Variants in QSOX2 observed in about 807,000 individuals in gnomAD.
QSOX2 encodes the protein quiescin sulfhydryl oxidase 2.
QSOX2 carries 46 observed loss-of-function variants against 61.7 expected under a neutral mutation model. The ratio of observed to expected loss-of-function variants is 0.75; its 90% CI spans 0.59 to 0.95. The LOEUF (loss-of-function observed/expected upper bound fraction) is 0.95, where lower values mean the gene tolerates loss of function less well. Ranked by LOEUF, QSOX2 falls within the 40% of genes least tolerant of loss-of-function variation. QSOX2 has a pLI of 0.00. For synonymous variants in QSOX2, 383 were observed against 388.4 expected, an observed-to-expected ratio of 0.99 and a Z score of 0.16; for missense variants, 879 against 918.9, an observed-to-expected ratio of 0.96 and a Z score of 0.56.
intron 1 of QSOX2, among the ~76,000 whole-genome samples, chr9:136,228,286 T>G (rs1472211549): frequency 2.0e-5 from 3 of 152,194 alleles, no homozygotes; most frequent in Non-Finnish European, 2.9e-5. Flanking sequence ...CATGATGAGC[T>G]GGGACAATTC....
chr9:136,226,238 TAC>T (rs1383793822), intron 2 of QSOX2, among the ~76,000 whole-genome samples: 1 of 152,158 alleles, frequency 6.6e-6, no homozygotes. Context: ...CACCCGCAGG[TAC>T]ACACATGCTA....
At chr9:136,210,896 ATAC>A (rs1274296644) in intron 11 of QSOX2, 5 of 985,188 alleles carry the variant, frequency 5.1e-6, no homozygotes, top group Non-Finnish European at 6.0e-6. Flanking sequence ...ACAGATTTCC[ATAC>A]TACTAAAATT....
chr9:136,231,932 TCCTCCGCA>T (rs200203555), intron 1 of QSOX2, among the ~76,000 whole-genome samples: 1,684 of 52,584 alleles, frequency 0.032, 27 homozygotes, highest in African/African-American at 0.11. Context: ...CCTCTCCGCC[TCCTCCGCA>T]GGTCCCATCT....
At chr9:136,231,016 T>C (rs1421811120) in intron 1 of QSOX2, among the ~76,000 whole-genome samples, 1 of 152,226 alleles carries the variant, frequency 6.6e-6, no homozygotes, top group Non-Finnish European at 1.5e-5. Flanking sequence ...CCTAGTTTCA[T>C]TGGCAGGAAA....
At position 136,216,990 on chromosome 9, in the gene QSOX2, G is replaced by A. The variant is rs549734507; in HGVS notation, c.1087-268C>T. ...CCGTGCCTGCAGCTCACCCACCTGC[G>A]CCCACGGCCTCGCTCCGGCCAGGTG... On this transcript the variant is annotated intron_variant, in intron 8 of 11. Transcript: ENST00000358701. Among the ~76,000 whole-genome samples, 11 of 152,320 alleles carry A rather than the reference G, an allele frequency of 7.2e-5. No individual in the cohort carries two copies. In the South Asian group the frequency reaches 1.5e-3, roughly 20 times the overall value.
chr9:136,226,623 T>G (rs1830284450), intron 2 of QSOX2, 151 bp downstream of exon 2: 1 of 733,610 alleles, frequency 1.4e-6, no homozygotes, highest in Non-Finnish European at 2.5e-6. Context: ...CTCCTACAAT[T>G]CCTACGAAGT....
At chr9:136,236,787 C>A (rs1159703958) in intron 1 of QSOX2, among the ~76,000 whole-genome samples, 1 of 151,468 alleles carries the variant, frequency 6.6e-6, no homozygotes, top group Admixed American at 6.6e-5. Flanking sequence ...CCGTCCTGGG[C>A]CGGCGACACC....
At position 136,209,044 on chromosome 9, in the gene QSOX2, A is replaced by G. The variant is rs1426526630; in HGVS notation, c.1781T>C (p.Leu594Pro). The part of the protein sequence containing the change: ...LARGEEEEKR[L>P]TPPEVSHGDR... ...TCCATGGGACACCTCTGGGGGAGTG[A>G]GTCTTTTCTCCTCTTCCTCACCCCT... is the stretch of plus-strand genomic sequence containing the variant. Residue 594 changes from leucine (L) to proline (P), a missense_variant, in exon 12 of 12, where the codon CTC (leucine) becomes CCC (proline). Physicochemically the swap from Leu to Pro is moderately conservative, Grantham distance 98. Coordinates refer to ENST00000358701, the MANE Select transcript of QSOX2 (RefSeq NM_181701.4). This position sits in a 1 kb window ranked among gnomAD's most constrained non-coding sequence, Gnocchi z 5.6. The G allele has an allele frequency of 4.3e-6, 7 of 1,614,006 alleles. No individual in the cohort carries two copies. The South Asian group carries it at 5.5e-5, about 13-fold the overall frequency.
In QSOX2 at chr9:136,221,053, C is replaced by T. The variant is rs1389822653; in HGVS notation, c.821+743G>A. On this transcript the variant is annotated intron_variant, in intron 6 of 11. Transcript: ENST00000358701. The surrounding 1 kb of genome is among the most constrained non-coding windows in gnomAD (Gnocchi z 4.5). ...CCGAGGGGCACACAGGCACTCCACGCAGAGGCAAAGGGCTTATCCTCATGA... is the reference window on the plus strand; with the variant it reads ...CCGAGGGGCACACAGGCACTCCACGTAGAGGCAAAGGGCTTATCCTCATGA... Among the ~76,000 whole-genome samples, 5 of 152,198 alleles carry T rather than the reference C, an allele frequency of 3.3e-5. No individual in the cohort carries two copies. The highest frequency in any genetic ancestry group is 4.8e-5 in the African/African-American group (2 of 41,438).
intron 11 of QSOX2, chr9:136,210,236 A>G (rs1831829004): frequency 5.1e-6 from 5 of 985,330 alleles, no homozygotes; most frequent in Non-Finnish European, 6.0e-6. Flanking sequence ...GACCCCAGGC[A>G]CATCTCCGAG....
rs961768385 is a variant in QSOX2 at position 136,222,046 on chromosome 9, T to C, written c.676-105A>G. The stretch of plus-strand genomic sequence containing the variant: ...GCAGGGAACCTTTCACAAAAGGGCA[T>C]GAAGTCTGTCCCCCTGCAGGCAAGA... On this transcript the variant is annotated intron_variant, in intron 5 of 11. Coordinates refer to ENST00000358701, the MANE Select transcript of QSOX2 (RefSeq NM_181701.4). This position sits in a 1 kb window ranked among gnomAD's most constrained non-coding sequence, Gnocchi z 6.9. 2.4e-6 allele frequency: 3 copies of C among 1,227,294 alleles called. No homozygotes were observed. The highest frequency in any genetic ancestry group is 1.5e-5 in the African/African-American group (1 of 64,552). 76.0% of individuals were successfully genotyped at this position (1,227,294 alleles called of 1,614,324 possible).
At position 136,210,434 on chromosome 9, in the gene QSOX2, C is replaced by T. The variant is rs534811506; in HGVS notation, c.1549+830G>A. On this transcript the variant is annotated intron_variant, in intron 11 of 11. Coordinates refer to ENST00000358701, the MANE Select transcript of QSOX2 (RefSeq NM_181701.4). ...GGGCTCCAGGTCCAGGCAGGCCTGGCGAGGGTCCTGGTCCCACTGCCTCAG... is the reference window on the plus strand; with the variant it reads ...GGGCTCCAGGTCCAGGCAGGCCTGGTGAGGGTCCTGGTCCCACTGCCTCAG... 1.9e-4 allele frequency: 189 copies of T among 985,240 alleles called. No homozygotes were observed. The Admixed American group carries it at 2.1e-3, about 11-fold the overall frequency. 61.0% of individuals were successfully genotyped at this position (985,240 alleles called of 1,614,324 possible). A position where few individuals can be genotyped will look rare whatever the true frequency, so the allele number is the denominator to read the frequency against.
rs988365009 is a variant in QSOX2 at position 136,222,487 on chromosome 9, G to A, written c.676-546C>T. Among the ~76,000 whole-genome samples, 29 of 152,322 alleles carry A rather than the reference G, an allele frequency of 1.9e-4. No individual in the cohort carries two copies. The East Asian group carries it at 3.9e-3, about 20-fold the overall frequency. ...TGCGTGCGCCACCACCACATCGGGC[G>A]TACGTCTTTCCTTCTCTTAACAGAG... On this transcript the variant is annotated intron_variant, in intron 5 of 11. Transcript: ENST00000358701. The surrounding 1 kb of genome is among the most constrained non-coding windows in gnomAD (Gnocchi z 6.9).
chr9:136,232,943 A>C (rs11103393), intron 1 of QSOX2, among the ~76,000 whole-genome samples: 3,104 of 150,922 alleles, frequency 0.021, 91 homozygotes, highest in African/African-American at 0.068. Context: ...AAAAAAGAAA[A>C]AAGAAAAAAA....
rs2046092404 is a variant in QSOX2 at position 136,222,489 on chromosome 9, A to G, written c.676-548T>C. Among the ~76,000 whole-genome samples the G allele has an allele frequency of 6.6e-6, 1 of 152,228 alleles. No individual in the cohort carries two copies. The highest frequency in any genetic ancestry group is 1.5e-5 in the Non-Finnish European group (1 of 68,050). ...CGTGCGCCACCACCACATCGGGCGT[A>G]CGTCTTTCCTTCTCTTAACAGAGGA... On this transcript the variant is annotated intron_variant, in intron 5 of 11. Transcript: ENST00000358701. The surrounding 1 kb of genome is among the most constrained non-coding windows in gnomAD (Gnocchi z 6.9).
At chr9:136,234,789 C>T (rs867054969) in intron 1 of QSOX2, among the ~76,000 whole-genome samples, 3 of 135,282 alleles carry the variant, frequency 2.2e-5, no homozygotes, top group African/African-American at 6.6e-5. Flanking sequence ...AGCCTCATCG[C>T]GCCACACCCC....
At chr9:136,240,936 G>A (rs558312344) in intron 1 of QSOX2, among the ~76,000 whole-genome samples, 2 of 152,370 alleles carry the variant, frequency 1.3e-5, no homozygotes, top group South Asian at 4.1e-4. Context: ...AGCCCAAGCA[G>A]TGCTTATGAC....
At position 136,221,789 on chromosome 9, in the gene QSOX2, C is replaced by A. The variant is rs548740094; in HGVS notation, c.821+7G>T. The stretch of plus-strand genomic sequence containing the variant: ...ACGGAGTTCCCAGACCCCACCCGGG[C>A]ACTCACACGTTAATCAATCCATGCG... On this transcript the variant is annotated splice_region_variant and intron_variant, in intron 6 of 11. Coordinates refer to ENST00000358701, the MANE Select transcript of QSOX2 (RefSeq NM_181701.4). This position sits in a 1 kb window ranked among gnomAD's most constrained non-coding sequence, Gnocchi z 4.5. 1.3e-6 allele frequency: 2 copies of A among 1,589,358 alleles called. No individual in the cohort carries two copies. The highest frequency in any genetic ancestry group is 1.3e-5 in the African/African-American group (1 of 74,290).
intron 1 of QSOX2, among the ~76,000 whole-genome samples, chr9:136,242,565 T>C (rs1354386329): frequency 1.3e-5 from 2 of 152,248 alleles, no homozygotes; most frequent in Non-Finnish European, 2.9e-5. Context: ...AACATGAGAA[T>C]GTTGACAACG....
Sources: allele counts gnomAD v4.1 joint callset (sites outside exome capture counted in the v4.1 genomes callset), GRCh38; gene constraint gnomAD v4.1.1; non-coding constraint Gnocchi (gnomAD v3.1); transcripts MANE v1.5; gene names NCBI Gene and HGNC (gene_info 2026-07-23, HGNC 2026-07-21).